DPP6: variants seen among roughly 807,000 people sequenced by gnomAD.
DPP6 encodes the protein A-type potassium channel modulatory protein DPP6.
A neutral mutation model predicts 122.6 loss-of-function variants in DPP6; 69 were observed. The observed-to-expected ratio is 0.56, with a 90% CI of 0.46 to 0.69. DPP6 has a LOEUF of 0.69. Among genes scored for constraint, DPP6 ranks in the 30% least tolerant of loss-of-function variants. The probability of loss-of-function intolerance (pLI) is 0.00; values close to 1 mark genes in which losing one functional copy is unlikely to be tolerated. For missense variants in DPP6, 928 were observed against 1,116.9 expected (o/e 0.83, Z 2.41); for synonymous variants, 418 against 433.1 (o/e 0.97, Z 0.43).
At chr7:154,451,713 C>T (rs1277803272) in intron 2 of DPP6, among the ~76,000 whole-genome samples, 3 of 152,230 alleles carry the variant, frequency 2.0e-5, no homozygotes, top group Non-Finnish European at 4.4e-5. Flanking sequence ...TGGAGAAGCT[C>T]TAGTGAATGG....
At chr7:153,928,488 C>T (rs1801026135) in intron 1 of DPP6, among the ~76,000 whole-genome samples, 1 of 144,062 alleles carries the variant, frequency 6.9e-6, no homozygotes, top group Admixed American at 7.3e-5. Context: ...GTGATCTGCC[C>T]ACCTCAGCCT....
At chr7:154,593,415 A>G (rs1832916149) in intron 5 of DPP6, among the ~76,000 whole-genome samples, 2 of 152,174 alleles carry the variant, frequency 1.3e-5, no homozygotes, top group South Asian at 4.1e-4. Flanking sequence ...AACCAAACAG[A>G]TGGGATTTTA....
the DPP6 span, among the ~76,000 whole-genome samples, chr7:153,877,387 TTTA>T: frequency 2.2e-4 from 33 of 152,158 alleles, no homozygotes; most frequent in Admixed American, 2.2e-3. Context: ...CAATTTTGTG[TTTA>T]TTATTATCAA....
At chr7:154,814,366 TC>T (rs1799282763) in intron 16 of DPP6, among the ~76,000 whole-genome samples, 1 of 152,186 alleles carries the variant, frequency 6.6e-6, no homozygotes, top group African/African-American at 2.4e-5. Context: ...TCCAAGACTT[TC>T]AGGGCAGGGT....
intron 6 of DPP6, among the ~76,000 whole-genome samples, chr7:154,641,927 A>T (rs762964257): frequency 1.3e-5 from 2 of 152,138 alleles, no homozygotes; most frequent in African/African-American, 4.8e-5. Flanking sequence ...ACCTACTCGT[A>T]ATTTTCAGGC....
chr7:154,437,019 T>C (rs1818931384), intron 1 of DPP6, among the ~76,000 whole-genome samples: 1 of 152,352 alleles, frequency 6.6e-6, no homozygotes, highest in South Asian at 2.1e-4. Flanking sequence ...TATGGCATTC[T>C]GTTACATGGA....
intron 1 of DPP6, among the ~76,000 whole-genome samples, chr7:153,891,608 T>C (rs1799207967): frequency 6.6e-6 from 1 of 152,194 alleles, no homozygotes; most frequent in African/African-American, 2.4e-5. Flanking sequence ...AGGTATATAC[T>C]CTTGCAATAG....
intron 1 of DPP6, among the ~76,000 whole-genome samples, chr7:154,101,434 A>G (rs1805717159): frequency 2.7e-5 from 4 of 150,010 alleles, no homozygotes; most frequent in Admixed American, 2.7e-4. Flanking sequence ...TTCTTTCAGC[A>G]CACATCAGTA....
At chr7:154,594,455 T>C (rs1400960292) in intron 5 of DPP6, among the ~76,000 whole-genome samples, 1 of 152,160 alleles carries the variant, frequency 6.6e-6, no homozygotes, top group Non-Finnish European at 1.5e-5. Flanking sequence ...GAATCAATGA[T>C]GAATAAAAGG....
At chr7:154,057,779 G>A (rs1200177614) in intron 1 of DPP6, 1 of 150,602 alleles carries the variant, frequency 6.6e-6, no homozygotes, top group African/African-American at 2.5e-5. Context: ...CAGCCCTGGG[G>A]CTACCCGATC....
intron 3 of DPP6, among the ~76,000 whole-genome samples, chr7:154,517,267 A>C (rs1421202604): frequency 6.6e-6 from 1 of 152,216 alleles, no homozygotes; most frequent in Non-Finnish European, 1.5e-5. Context: ...GAACAAAATC[A>C]GATCCCAGTT....
At chr7:154,459,521 T>C (rs1412234744) in intron 2 of DPP6, among the ~76,000 whole-genome samples, 6 of 152,082 alleles carry the variant, frequency 3.9e-5, no homozygotes, top group East Asian at 3.9e-4. Context: ...TATGTATAAA[T>C]AGAAAAACAG....
rs149855666 is a variant in DPP6, at chr7:154,602,811, G to A, written c.628-35010G>A. Among the ~76,000 whole-genome samples the A allele has an allele frequency of 4.3e-3, 485 of 112,216 alleles. 70 individuals carry two copies. Among genetic ancestry groups the A allele is most frequent in the African/African-American group, 0.013 (463 of 35,370 alleles). 73.6% of individuals were successfully genotyped at this position (112,216 alleles called of 152,430 possible). On this transcript the variant is annotated intron_variant, in intron 5 of 25. Transcript: ENST00000377770. ...CACCCAGCCTGGAGTGCAGTGGTGC[G>A]ATCTCTATTCACTGCAACCTCTGCC...
intron 1 of DPP6, among the ~76,000 whole-genome samples, chr7:154,247,784 T>C (rs1182950720): frequency 6.6e-6 from 1 of 152,092 alleles, no homozygotes; most frequent in East Asian, 1.9e-4. Context: ...AACATGTCCA[T>C]GAAAAGACTT....
chr7:154,260,833 C>T (rs1281354415), intron 1 of DPP6, among the ~76,000 whole-genome samples: 1 of 151,132 alleles, frequency 6.6e-6, no homozygotes, highest in Non-Finnish European at 1.5e-5. Context: ...TACTTATTTT[C>T]TTCTTGGTAA....
intron 7 of DPP6, among the ~76,000 whole-genome samples, chr7:154,686,519 G>A (rs1839615716): frequency 6.6e-6 from 1 of 151,992 alleles, no homozygotes; most frequent in Admixed American, 6.6e-5. Flanking sequence ...ATTCTCAAAG[G>A]GAATGAAACA....
rs138022103 is a variant in DPP6, at chr7:154,202,249, G to C, written c.243+149186G>C. ...GCCATGCGCTGGGTCTCTCCTCATA[G>C]GGTTTACAGTCAGTTAACAGCAATG... is the stretch of plus-strand genomic sequence containing the variant. On this transcript the variant is annotated intron_variant, in intron 1 of 25. Coordinates refer to ENST00000377770, the MANE Select transcript of DPP6 (RefSeq NM_130797.4). Among the ~76,000 whole-genome samples, 1,297 of 152,230 alleles carry C rather than the reference G, an allele frequency of 8.5e-3. 16 individuals are homozygous for C. Among genetic ancestry groups the C allele is most frequent in the African/African-American group, 0.029 (1,223 of 41,538 alleles).
chr7:154,748,644 G>C (rs886573384), intron 8 of DPP6, among the ~76,000 whole-genome samples: 1 of 152,328 alleles, frequency 6.6e-6, no homozygotes, highest in African/African-American at 2.4e-5. Flanking sequence ...TGCACAGCCT[G>C]CCTCTGGAGT....
At chr7:154,808,028 T>C (rs1167786174) in intron 16 of DPP6, among the ~76,000 whole-genome samples, 1 of 152,156 alleles carries the variant, frequency 6.6e-6, no homozygotes, top group Non-Finnish European at 1.5e-5. Context: ...AGATATGATA[T>C]GAACCCATGG....
Sources: gnomAD v4.1 joint callset for allele counts (sites outside exome capture counted in the v4.1 genomes callset) on GRCh38, gnomAD v4.1.1 for gene constraint, MANE v1.5 for transcripts, NCBI Gene and HGNC (gene_info 2026-07-23, HGNC 2026-07-21) for gene names.